The following ZDHHC7 variants were observed in gnomAD, a reference collection of about 807,000 sequenced individuals.
The protein encoded by ZDHHC7 is palmitoyltransferase ZDHHC7.
Under a neutral mutation model 34.1 loss-of-function variants are expected in ZDHHC7, and 12 were observed. That is an observed-to-expected ratio of 0.35 (90% CI 0.23 to 0.57). The LOEUF (loss-of-function observed/expected upper bound fraction) is 0.57, where lower values mean the gene tolerates loss of function less well. Ranked by LOEUF, ZDHHC7 falls within the 20% of genes least tolerant of loss-of-function variation. The pLI is 0.84. For synonymous variants in ZDHHC7, 185 were observed against 155.4 expected (o/e 1.19, Z -1.42); for missense variants, 388 against 402.7 (o/e 0.96, Z 0.31).
intron 6 of ZDHHC7, 51 bp from the exon 7 acceptor site, chr16:84,977,276 C>T (rs1201885373): frequency 1.9e-6 from 3 of 1,600,750 alleles, no homozygotes; most frequent in Non-Finnish European, 2.6e-6. Flanking sequence ...CCCCGAGTGG[C>T]AGAATGTTTG....
upstream of ZDHHC7, among the ~76,000 whole-genome samples, chr16:85,015,071 C>A (rs2072828591): frequency 6.6e-6 from 1 of 151,246 alleles, no homozygotes; most frequent in African/African-American, 2.4e-5. Context: ...AATGTGAAGC[C>A]TCCAAGTAGC....
rs1369034644 is a variant in ZDHHC7 at position 85,011,535 on chromosome 16, T to G, written c.-353A>C. ...AGCGGGGCGGTGCGAGCGCCGGAAG[T>G]GAACCCGACGAGGTCAGTGACGTCA... On this transcript the variant is annotated 5_prime_UTR_variant, in exon 1 of 8. Coordinates refer to ENST00000313732, the MANE Select transcript of ZDHHC7 (RefSeq NM_017740.3). 1 of 152,126 alleles carries G rather than the reference T, an allele frequency of 6.6e-6. No homozygotes were observed. The highest frequency in any genetic ancestry group is 1.5e-5 in the Non-Finnish European group (1 of 68,034). 9.4% of individuals were successfully genotyped at this position (152,126 alleles called of 1,614,324 possible).
intron 3 of ZDHHC7, chr16:84,988,690 C>A (rs1359598232): frequency 2.2e-6 from 3 of 1,365,762 alleles, no homozygotes; most frequent in Non-Finnish European, 3.1e-6. Flanking sequence ...GTGCGCTTGT[C>A]AGCAAAGAGG....
chr16:84,988,762 C>A (rs756200242), intron 3 of ZDHHC7: 1 of 1,551,398 alleles, frequency 6.4e-7, no homozygotes, highest in Non-Finnish European at 8.7e-7. Context: ...CCCACACTCA[C>A]AAGCAGGAGG....
rs538065365 is a variant in ZDHHC7 at position 85,009,097 on chromosome 16, C to T, written c.-104+2189G>A. Among the ~76,000 whole-genome samples the T allele has an allele frequency of 4.0e-5, 6 of 151,784 alleles. No individual in the cohort carries two copies. In the South Asian group the frequency reaches 8.3e-4, roughly 21 times the overall value. ...GTTAAAATATTACAGAAACATACCCCAAAAAGCTGCTTTAGTAAAATTATC... is the reference window on the plus strand; with the variant it reads ...GTTAAAATATTACAGAAACATACCCTAAAAAGCTGCTTTAGTAAAATTATC... On this transcript the variant is annotated intron_variant, in intron 1 of 7. Transcript: ENST00000313732.
the ZDHHC7 span, among the ~76,000 whole-genome samples, chr16:85,025,258 G>C: frequency 6.6e-6 from 1 of 151,192 alleles, no homozygotes; most frequent in Non-Finnish European, 1.5e-5. Context: ...GTGACAGAGT[G>C]AGATGATTTA....
At chr16:85,014,219 G>A (rs2072825127), upstream of ZDHHC7, among the ~76,000 whole-genome samples, 2 of 152,182 alleles carry the variant, frequency 1.3e-5, no homozygotes, top group South Asian at 4.1e-4. Context: ...CAAGCTCAAA[G>A]TTTCAGGATG....
chr16:84,990,888 G>A (rs1250020463), intron 2 of ZDHHC7, among the ~76,000 whole-genome samples: 1 of 152,100 alleles, frequency 6.6e-6, no homozygotes, highest in Non-Finnish European at 1.5e-5. Context: ...GGCCAGCCGT[G>A]GCCACATACA....
In ZDHHC7 at chr16:84,977,330, AG is replaced by A. The variant is rs1317243346; in HGVS notation, c.620-106del. 555 of 1,450,114 alleles carry A rather than the reference AG, an allele frequency of 3.8e-4. 11 individuals carry two copies. In the East Asian group the frequency reaches 0.013, roughly 33 times the overall value. 89.8% of individuals were successfully genotyped at this position (1,450,114 alleles called of 1,614,324 possible). ...TAGGGCCAGCCCCTGGCCAGCTTCC[AG>A]GGGGAAGTTGTTCACTTTCTAAATG... is the stretch of plus-strand genomic sequence containing the variant. On this transcript the variant is annotated intron_variant, in intron 6 of 7. Coordinates refer to ENST00000313732, the MANE Select transcript of ZDHHC7 (RefSeq NM_017740.3).
At chr16:84,991,682 G>A (rs547574963) in intron 2 of ZDHHC7, among the ~76,000 whole-genome samples, 2 of 151,718 alleles carry the variant, frequency 1.3e-5, no homozygotes, top group South Asian at 2.1e-4. Context: ...CACAATCACA[G>A]CTCACAGATG....
At chr16:85,013,771 C>G (rs1273964882), upstream of ZDHHC7, among the ~76,000 whole-genome samples, 1 of 152,046 alleles carries the variant, frequency 6.6e-6, no homozygotes, top group African/African-American at 2.4e-5. Context: ...TCGCTGCAAC[C>G]TCATCTCCTG....
At chr16:85,000,108 C>A (rs1328047723) in intron 1 of ZDHHC7, among the ~76,000 whole-genome samples, 1 of 151,510 alleles carries the variant, frequency 6.6e-6, no homozygotes, top group Admixed American at 6.6e-5. Flanking sequence ...CCACTGCACT[C>A]CAGCCTGGGC....
At chr16:85,014,428 C>T (rs2072826065), upstream of ZDHHC7, among the ~76,000 whole-genome samples, 1 of 152,176 alleles carries the variant, frequency 6.6e-6, no homozygotes, top group Non-Finnish European at 1.5e-5. Context: ...TAACATTCCA[C>T]AGTGAAGGTG....
At chr16:84,982,696 C>A (rs2072386304) in intron 3 of ZDHHC7, among the ~76,000 whole-genome samples, 1 of 152,272 alleles carries the variant, frequency 6.6e-6, no homozygotes, top group African/African-American at 2.4e-5. Context: ...ACACACAAAC[C>A]TGGAGGTGGC....
Position 84,975,195 on chromosome 16 carries a change from CCAA to C in ZDHHC7, c.*1145_*1147del, listed in dbSNP as rs1254912897. The C allele has an allele frequency of 6.5e-6, 1 of 152,720 alleles. No homozygotes were observed. Among genetic ancestry groups the C allele is most frequent in the Non-Finnish European group, 1.5e-5 (1 of 68,086 alleles). The allele number at this position is 152,720 out of a possible 1,614,324, so 9.5% of individuals were successfully genotyped here. A position where few individuals can be genotyped will look rare whatever the true frequency, so the allele number is the denominator to read the frequency against. On this transcript the variant is annotated 3_prime_UTR_variant, in exon 8 of 8. Coordinates refer to ENST00000313732, the MANE Select transcript of ZDHHC7 (RefSeq NM_017740.3). ...AAAACGTAAAAGCTAACCAAAAACT[CCAA>C]CAAGAGGGCGCCATCCTGGCCATTC...
chr16:84,989,447 G>C (rs2072479286), intron 3 of ZDHHC7, among the ~76,000 whole-genome samples: 2 of 152,194 alleles, frequency 1.3e-5, no homozygotes, highest in African/African-American at 4.8e-5. Context: ...TGTAATCTCA[G>C]CACTTTGGGA....
intron 1 of ZDHHC7, among the ~76,000 whole-genome samples, chr16:85,006,844 T>C (rs1016244023): frequency 6.6e-6 from 1 of 150,884 alleles, no homozygotes; most frequent in Non-Finnish European, 1.5e-5. Context: ...AGGCTCAACA[T>C]TCCCCACTCT....
chr16:84,995,082 G>A (rs968657184), intron 2 of ZDHHC7, among the ~76,000 whole-genome samples: 1 of 152,118 alleles, frequency 6.6e-6, no homozygotes, highest in African/African-American at 2.4e-5. Flanking sequence ...GCCTTATTCT[G>A]CACTGAATTC....
rs1171826644 is a variant in ZDHHC7 at position 85,011,514 on chromosome 16, G to A, written c.-332C>T. The A allele has an allele frequency of 4.6e-5, 7 of 152,244 alleles. No homozygotes were observed. The highest frequency in any genetic ancestry group is 8.8e-5 in the Non-Finnish European group (6 of 68,062). The allele number at this position is 152,244 out of a possible 1,614,324, so 9.4% of individuals were successfully genotyped here. A position where few individuals can be genotyped will look rare whatever the true frequency, so the allele number is the denominator to read the frequency against. ...AGCCCGGAGCCTTGGCTGGAGAGCG[G>A]GGCGGTGCGAGCGCCGGAAGTGAAC... On this transcript the variant is annotated 5_prime_UTR_variant, in exon 1 of 8. Transcript: ENST00000313732.
Sources: allele counts gnomAD v4.1 joint callset (sites outside exome capture counted in the v4.1 genomes callset), GRCh38; gene constraint gnomAD v4.1.1; transcripts MANE v1.5; gene names NCBI Gene and HGNC (gene_info 2026-07-23, HGNC 2026-07-21).